Variants in CD109 observed in about 807,000 individuals in gnomAD.
CD109 encodes the protein CD109 antigen.
In CD109, 149 loss-of-function variants were observed where a neutral mutation model predicts 165.8. That is an observed-to-expected ratio of 0.90 (90% confidence interval 0.79 to 1.03). CD109 has a LOEUF of 1.03. Among genes scored for constraint, CD109 ranks in the 50% least tolerant of loss-of-function variants. The probability of loss-of-function intolerance (pLI) is 0.00; values close to 1 mark genes in which losing one functional copy is unlikely to be tolerated. For synonymous variants in CD109, 585 were observed against 592.1 expected (o/e 0.99, Z 0.18); for missense variants, 1,712 against 1,677.8 (o/e 1.02, Z -0.36).
At chr6:73,681,688 C>T in the CD109 span, among the ~76,000 whole-genome samples, 347 of 152,018 alleles carry the variant, frequency 2.3e-3, 2 homozygotes, top group African/African-American at 3.0e-3. Context: ...CTACAACTTC[C>T]GCCTTCTGGG....
intron 2 of CD109, among the ~76,000 whole-genome samples, chr6:73,704,384 T>C (rs545547151): frequency 3.3e-5 from 5 of 152,304 alleles, no homozygotes; most frequent in African/African-American, 4.8e-5. Context: ...TCGTGGACTT[T>C]CATGTTTGCT....
chr6:73,724,368 T>C (rs1003500677), intron 3 of CD109, among the ~76,000 whole-genome samples: 63 of 152,340 alleles, frequency 4.1e-4, no homozygotes, highest in African/African-American at 1.4e-3. Context: ...AACCTTATTA[T>C]TAAATGTTTG....
chr6:73,803,712 TAA>T (rs1299164022), intron 24 of CD109, among the ~76,000 whole-genome samples: 16 of 151,546 alleles, frequency 1.1e-4, no homozygotes, highest in Non-Finnish European at 1.9e-4. Flanking sequence ...TGTGTGTGTG[TAA>T]AAAACAAACA....
Position 73,815,089 on chromosome 6 carries a change from G to T in CD109, c.3877G>T (p.Asp1293Tyr). ...TGTTGCTGTAAAAGAAAATAAAGAT[G>T]ATCTCAATCATGTGGATTTGAATGT... Reference protein sequence around the residue: ...LDVAVKENKDDLNHVDLNVCT... With the variant: ...LDVAVKENKDYLNHVDLNVCT... Residue 1293 changes from aspartate to tyrosine, a missense_variant, in exon 30 of 33, where the codon GAT becomes TAT. Coordinates refer to ENST00000287097, the MANE Select transcript of CD109 (RefSeq NM_133493.5). 6.3e-7 allele frequency: 1 copy of T among 1,589,152 alleles called. No homozygotes were observed. The highest frequency in any genetic ancestry group is 1.2e-5 in the South Asian group (1 of 85,766).
intron 23 of CD109, among the ~76,000 whole-genome samples, chr6:73,795,682 A>T (rs1422469245): frequency 1.3e-5 from 2 of 152,208 alleles, no homozygotes; most frequent in Non-Finnish European, 2.9e-5. Flanking sequence ...AGCTGTAAGT[A>T]GGCGAGTTTC....
chr6:73,770,936 G>T (rs560638645), intron 14 of CD109, among the ~76,000 whole-genome samples: 16 of 152,272 alleles, frequency 1.1e-4, no homozygotes, highest in Non-Finnish European at 1.9e-4. Flanking sequence ...ACTAGTGTTT[G>T]CTCTAACCAC....
At chr6:73,789,759 CTTT>C (rs59475224) in intron 22 of CD109, among the ~76,000 whole-genome samples, 1 of 131,724 alleles carries the variant, frequency 7.6e-6, no homozygotes, top group African/African-American at 2.9e-5. Flanking sequence ...CGCGCCCGGC[CTTT>C]TTTTTTTTTT....
chr6:73,811,153 G>C lies in CD109; in HGVS notation c.3702+6G>C, dbSNP rs1474791218. 6.2e-7 allele frequency: 1 copy of C among 1,608,954 alleles called. No individual in the cohort carries two copies. The highest frequency in any genetic ancestry group is 1.3e-5 in the African/African-American group (1 of 74,546). ...TACTCCTTCAGACAGCAGAGGTGTG[G>C]GCAAGGGGCAGTTATTTAAAAATCA... is the stretch of plus-strand genomic sequence containing the variant. On this transcript the variant is annotated splice_donor_region_variant and intron_variant, in intron 28 of 32. Transcript: ENST00000287097.
intron 7 of CD109, among the ~76,000 whole-genome samples, chr6:73,759,803 C>G (rs1364853861): frequency 6.6e-6 from 1 of 151,828 alleles, no homozygotes; most frequent in African/African-American, 2.4e-5. Context: ...TTCGAAGACT[C>G]TTGAATGAGT....
chr6:73,761,607 C>T (rs1773634474), intron 7 of CD109, among the ~76,000 whole-genome samples: 2 of 152,172 alleles, frequency 1.3e-5, no homozygotes, highest in Non-Finnish European at 2.9e-5. Context: ...ACTGCAGCCT[C>T]CACCTCCTGG....
At chr6:73,702,483 C>A (rs529863656) in intron 2 of CD109, among the ~76,000 whole-genome samples, 1 of 152,206 alleles carries the variant, frequency 6.6e-6, no homozygotes, top group Admixed American at 6.5e-5. Flanking sequence ...GCTTTGCCAA[C>A]ATAACTCAGT....
rs1178456827 is a variant in CD109, at chr6:73,765,983, T to G, written c.1161T>G (p.Asn387Lys). 1.9e-6 allele frequency: 3 copies of G among 1,613,924 alleles called. No individual in the cohort carries two copies. Among genetic ancestry groups the G allele is most frequent in the Non-Finnish European group, 2.5e-6 (3 of 1,179,980 alleles). The change falls in exon 11 of 33, where the codon AAT (asparagine) becomes AAG (lysine). Residue 387 changes from asparagine to lysine, a missense_variant. Physicochemically the swap from Asn to Lys is moderately conservative, Grantham distance 94. Transcript: ENST00000287097. Reference sequence around the variant, plus strand: ...AACTGACTCTTGAAGAAAGAAGAAATAATGTAGTCATAACAGTGACACAGA... The same window carrying G: ...AACTGACTCTTGAAGAAAGAAGAAAGAATGTAGTCATAACAGTGACACAGA... ...GNQLTLEERR[N>K]NVVITVTQRN... is the part of the protein sequence containing the mutation.
chr6:73,697,705 C>G (rs1388489425), intron 2 of CD109, 133 bp downstream of exon 2: 1 of 659,424 alleles, frequency 1.5e-6, no homozygotes, highest in Non-Finnish European at 2.5e-6. Flanking sequence ...TTAATTCTCA[C>G]TCATGTAAAG....
chr6:73,730,631 G>A (rs1772331356), intron 4 of CD109, 57 bp downstream of exon 4: 3 of 1,105,308 alleles, frequency 2.7e-6, no homozygotes, highest in Non-Finnish European at 4.0e-6. Context: ...AAACCCCTCT[G>A]GGAAGTTCTG....
intron 19 of CD109, 60 bp downstream of exon 19, chr6:73,783,884 G>T: frequency 1.1e-6 from 1 of 898,826 alleles, no homozygotes; most frequent in Non-Finnish European, 1.7e-6. Flanking sequence ...TACAGCGTCA[G>T]CTCCTCAATT....
intron 24 of CD109, among the ~76,000 whole-genome samples, chr6:73,805,717 G>C (rs893377749): frequency 2.0e-5 from 3 of 152,144 alleles, no homozygotes; most frequent in African/African-American, 7.2e-5. Context: ...GTGTCCCTGG[G>C]TACTTGAGAT....
chr6:73,694,619 C>T (rs1770760081), upstream of CD109: 1 of 152,198 alleles, frequency 6.6e-6, no homozygotes, highest in Non-Finnish European at 1.5e-5. Context: ...CCAAATTGCC[C>T]CCACTTGTAG....
intron 5 of CD109, among the ~76,000 whole-genome samples, chr6:73,747,362 T>G (rs527742622): frequency 9.1e-4 from 139 of 152,362 alleles, no homozygotes; most frequent in Non-Finnish European, 1.8e-3. Flanking sequence ...CTGATCTCTC[T>G]GCCTCCATTT....
At chr6:73,752,358 A>C (rs1312221620) in intron 5 of CD109, among the ~76,000 whole-genome samples, 1 of 152,234 alleles carries the variant, frequency 6.6e-6, no homozygotes, top group East Asian at 1.9e-4. Context: ...TGGTTGTAGT[A>C]ATTCACATGT....
Sources: gnomAD v4.1 joint callset for allele counts (sites outside exome capture counted in the v4.1 genomes callset) on GRCh38, gnomAD v4.1.1 for gene constraint, MANE v1.5 for transcripts, NCBI Gene and HGNC (gene_info 2026-07-23, HGNC 2026-07-21) for gene names.